SPTLC1: variants seen among roughly 807,000 people sequenced by gnomAD.
The protein encoded by SPTLC1 is serine palmitoyltransferase 1.
In SPTLC1, 55 loss-of-function variants were observed where a neutral mutation model predicts 68.9. The observed-to-expected ratio is 0.80, with a 90% CI of 0.64 to 1.00. The LOEUF (loss-of-function observed/expected upper bound fraction) is 1.00, where lower values mean the gene tolerates loss of function less well. Ranked by LOEUF, SPTLC1 falls within the 50% of genes least tolerant of loss-of-function variation. The pLI is 0.00. For synonymous variants in SPTLC1, 197 were observed against 201.6 expected, an observed-to-expected ratio of 0.98 and a Z score of 0.19; for missense variants, 449 against 573.1, an observed-to-expected ratio of 0.78 and a Z score of 2.21.
intron 3 of SPTLC1, among the ~76,000 whole-genome samples, chr9:92,106,013 T>C (rs1356740732): frequency 6.7e-6 from 1 of 148,462 alleles, no homozygotes; most frequent in Non-Finnish European, 1.5e-5. Context: ...CCACCCTGTC[T>C]GGCAAGTGAG....
At chr9:92,045,542 A>AC (rs1317145982) in intron 12 of SPTLC1, among the ~76,000 whole-genome samples, 3 of 148,520 alleles carry the variant, frequency 2.0e-5, no homozygotes, top group East Asian at 1.9e-4. Context: ...AAAAAAAAAA[A>AC]AAAAAAAAAA....
intron 5 of SPTLC1, among the ~76,000 whole-genome samples, chr9:92,074,334 G>A (rs927434567): frequency 5.9e-5 from 9 of 151,844 alleles, no homozygotes; most frequent in African/African-American, 2.2e-4. Context: ...TCCTTTATGC[G>A]CTCCTTCCTA....
chr9:92,072,120 G>A (rs1040410955), intron 5 of SPTLC1, among the ~76,000 whole-genome samples: 5 of 152,106 alleles, frequency 3.3e-5, no homozygotes, highest in African/African-American at 9.7e-5. Context: ...TCAATTGGAC[G>A]CATGCATAAC....
At chr9:92,075,538 C>T (rs140482959) in intron 5 of SPTLC1, among the ~76,000 whole-genome samples, 5 of 152,328 alleles carry the variant, frequency 3.3e-5, no homozygotes, top group African/African-American at 7.2e-5. Context: ...TGTAGGAATT[C>T]TTACTCAGGA....
intron 14 of SPTLC1, 134 bp downstream of exon 14, chr9:92,034,676 T>C: frequency 2.6e-6 from 2 of 763,050 alleles, no homozygotes. Flanking sequence ...AGAAGACAGG[T>C]AATGTACTAT....
intron 12 of SPTLC1, among the ~76,000 whole-genome samples, chr9:92,041,909 T>C (rs1833362547): frequency 6.6e-6 from 1 of 152,184 alleles, no homozygotes; most frequent in Non-Finnish European, 1.5e-5. Context: ...CTATTTATGA[T>C]TTTAAAAAAA....
intron 3 of SPTLC1, among the ~76,000 whole-genome samples, chr9:92,096,381 G>T (rs1265983031): frequency 6.6e-6 from 1 of 152,036 alleles, no homozygotes; most frequent in African/African-American, 2.4e-5. Context: ...ATGTGTGTGT[G>T]TGTATATATA....
chr9:92,032,171 G>T lies in SPTLC1; in HGVS notation c.*294C>A. The T allele has an allele frequency of 9.9e-7, 1 of 1,008,256 alleles. No individual in the cohort carries two copies. Among genetic ancestry groups the T allele is most frequent in the African/African-American group, 1.6e-5 (1 of 61,596 alleles). The allele number at this position is 1,008,256 out of a possible 1,614,324, so 62.5% of individuals were successfully genotyped here. On this transcript the variant is annotated 3_prime_UTR_variant, in exon 15 of 15. Coordinates refer to ENST00000262554, the MANE Select transcript of SPTLC1 (RefSeq NM_006415.4). The stretch of plus-strand genomic sequence containing the variant: ...GACAACAAAAGAATATAAAATACTA[G>T]TATAAGAAAACATTTAAATAGTACT...
intron 7 of SPTLC1, among the ~76,000 whole-genome samples, chr9:92,055,714 A>C (rs1833865290): frequency 6.6e-6 from 1 of 152,220 alleles, no homozygotes; most frequent in Non-Finnish European, 1.5e-5. Flanking sequence ...GTGACCCGCC[A>C]CACACACAAA....
intron 2 of SPTLC1, 42 bp from the exon 3 acceptor site, chr9:92,108,876 T>C (rs1201227611): frequency 5.1e-6 from 8 of 1,577,114 alleles, no homozygotes; most frequent in East Asian, 2.2e-5. Flanking sequence ...AGTGCTAATA[T>C]TATCAATTAT....
chr9:92,115,132 C>G, intron 1 of SPTLC1, 182 bp downstream of exon 1: 1 of 618,706 alleles, frequency 1.6e-6, no homozygotes, highest in East Asian at 2.8e-5. Flanking sequence ...CGCCCCCGCC[C>G]GTTCCTCCCT....
chr9:92,068,868 G>C (rs981663764), intron 5 of SPTLC1, among the ~76,000 whole-genome samples: 1 of 152,168 alleles, frequency 6.6e-6, no homozygotes, highest in African/African-American at 2.4e-5. Context: ...CCACTGGCCA[G>C]CTTAGAATCT....
At chr9:92,074,706 T>G (rs1424981400) in intron 5 of SPTLC1, among the ~76,000 whole-genome samples, 1 of 152,066 alleles carries the variant, frequency 6.6e-6, no homozygotes, top group Admixed American at 6.5e-5. Flanking sequence ...AACTCTCCCA[T>G]CCTACCTATT....
At chr9:92,090,659 T>C (rs1835328051) in intron 3 of SPTLC1, among the ~76,000 whole-genome samples, 3 of 149,600 alleles carry the variant, frequency 2.0e-5, no homozygotes, top group Admixed American at 2.0e-4. Flanking sequence ...ATGTTAAGCA[T>C]GAGGAGAAGA....
chr9:92,052,561 G>A (rs928243413), intron 8 of SPTLC1, among the ~76,000 whole-genome samples: 8 of 150,136 alleles, frequency 5.3e-5, no homozygotes, highest in Admixed American at 2.7e-4. Context: ...ACAGAGTCTC[G>A]CTCTGTTGCC....
At chr9:92,046,198 C>A (rs1232981309) in intron 11 of SPTLC1, 145 bp from the exon 12 acceptor site, 13 of 726,782 alleles carry the variant, frequency 1.8e-5, no homozygotes, top group African/African-American at 5.3e-5. Context: ...AACCCATACT[C>A]CCCTGAAGGC....
chr9:92,036,098 A>C (rs1051832823), intron 13 of SPTLC1, among the ~76,000 whole-genome samples: 1 of 152,210 alleles, frequency 6.6e-6, no homozygotes, highest in African/African-American at 2.4e-5. Flanking sequence ...GAAGATTTTA[A>C]AAATGGAAGC....
chr9:92,068,308 C>A (rs538825429), intron 5 of SPTLC1, among the ~76,000 whole-genome samples: 1 of 152,284 alleles, frequency 6.6e-6, no homozygotes, highest in East Asian at 1.9e-4. Context: ...AAATCAGCTA[C>A]GCATCTATCT....
At chr9:92,087,111 T>G (rs1835172546) in intron 3 of SPTLC1, among the ~76,000 whole-genome samples, 1 of 152,160 alleles carries the variant, frequency 6.6e-6, no homozygotes, top group African/African-American at 2.4e-5. Context: ...TTTAAGCACT[T>G]CTCTGTATTG....
Sources: gnomAD v4.1 joint callset for allele counts (sites outside exome capture counted in the v4.1 genomes callset) on GRCh38, gnomAD v4.1.1 for gene constraint, MANE v1.5 for transcripts, NCBI Gene and HGNC (gene_info 2026-07-23, HGNC 2026-07-21) for gene names.